NTRK3: variants seen among roughly 807,000 people sequenced by gnomAD.
The protein encoded by NTRK3 is neurotrophic receptor tyrosine kinase 3.
A neutral mutation model predicts 91.7 loss-of-function variants in NTRK3; 24 were observed. That is an observed-to-expected ratio of 0.26 (90% CI 0.19 to 0.37). NTRK3 has a LOEUF of 0.37. Ranked by LOEUF, NTRK3 falls within the 10% of genes least tolerant of loss-of-function variation. The pLI, the probability that NTRK3 is intolerant of heterozygous loss-of-function variation, is 1.00. For missense variants in NTRK3, 880 were observed against 1,068.9 expected, an observed-to-expected ratio of 0.82 and a Z score of 2.46; for synonymous variants, 483 against 404.0, an observed-to-expected ratio of 1.20 and a Z score of -2.34.
intron 13 of NTRK3, among the ~76,000 whole-genome samples, chr15:88,125,809 T>A (rs2053226244): frequency 1.3e-5 from 2 of 151,264 alleles, no homozygotes; most frequent in South Asian, 4.2e-4. Flanking sequence ...CGTGCTGAGA[T>A]CCCATTGCAT....
chr15:88,011,248 C>T (rs1482361614), intron 14 of NTRK3, among the ~76,000 whole-genome samples: 2 of 152,146 alleles, frequency 1.3e-5, no homozygotes, highest in East Asian at 1.9e-4. Flanking sequence ...GTCAGCCTCT[C>T]GCTTCTTGCT....
chr15:88,157,641 C>T (rs1357783922), intron 5 of NTRK3, among the ~76,000 whole-genome samples: 3 of 152,088 alleles, frequency 2.0e-5, no homozygotes, highest in African/African-American at 7.2e-5. Context: ...CCTCGCAGAA[C>T]ATGGGGGAAC....
intron 13 of NTRK3, among the ~76,000 whole-genome samples, chr15:88,040,736 G>T (rs2079527088): frequency 1.3e-5 from 2 of 152,176 alleles, no homozygotes; most frequent in Non-Finnish European, 1.5e-5. Context: ...TTCCAAAGGA[G>T]TGACAGAACC....
intron 13 of NTRK3, among the ~76,000 whole-genome samples, chr15:88,078,139 C>T (rs1567349404): frequency 6.6e-6 from 1 of 150,430 alleles, no homozygotes; most frequent in African/African-American, 2.5e-5. Flanking sequence ...TGTCCTTGAA[C>T]AGATGGGTCT....
At chr15:87,999,326 A>G (rs570683650) in intron 14 of NTRK3, among the ~76,000 whole-genome samples, 1 of 152,288 alleles carries the variant, frequency 6.6e-6, no homozygotes, top group South Asian at 2.1e-4. Flanking sequence ...GGCCACTAGG[A>G]TGCCCAGAGC....
intron 17 of NTRK3, among the ~76,000 whole-genome samples, chr15:87,915,049 T>C (rs2141780895): frequency 6.6e-6 from 1 of 152,162 alleles, no homozygotes; most frequent in Admixed American, 6.5e-5. Context: ...GTGATGGTGA[T>C]GATGGTGATG....
chr15:87,954,570 T>G (rs2071478258), intron 14 of NTRK3, among the ~76,000 whole-genome samples: 1 of 152,206 alleles, frequency 6.6e-6, no homozygotes, highest in South Asian at 2.1e-4. Context: ...AATTAAATAT[T>G]TGGATGGAAG....
intron 13 of NTRK3, among the ~76,000 whole-genome samples, chr15:88,038,001 G>A (rs1266302811): frequency 1.3e-5 from 2 of 152,166 alleles, no homozygotes; most frequent in Admixed American, 1.3e-4. Context: ...CCCTCCACCA[G>A]CACTGCCTCC....
chr15:87,922,563 A>C (rs2067964817), intron 17 of NTRK3, among the ~76,000 whole-genome samples: 1 of 152,234 alleles, frequency 6.6e-6, no homozygotes, highest in African/African-American at 2.4e-5. Flanking sequence ...ACCTTCAAAA[A>C]ACAAAAAATG....
At chr15:88,249,577 A>G (rs542039759) in intron 3 of NTRK3, among the ~76,000 whole-genome samples, 80 of 152,272 alleles carry the variant, frequency 5.3e-4, no homozygotes, top group Non-Finnish European at 9.6e-4. Flanking sequence ...GAGGGAGAAG[A>G]TGACTGCAGT....
exon 10 of NTRK3, chr15:88,135,383 C>A (rs374464253): frequency 1.2e-5 from 20 of 1,613,774 alleles, no homozygotes; most frequent in African/African-American, 2.7e-5. Context: ...TCCAGGCTCA[C>A]CACACGTGGG....
intron 13 of NTRK3, among the ~76,000 whole-genome samples, chr15:88,086,406 G>C (rs549581237): frequency 4.6e-5 from 7 of 151,960 alleles, no homozygotes; most frequent in Admixed American, 1.3e-4. Flanking sequence ...GCAAAAAAAA[G>C]ATTTAAAACA....
At chr15:87,905,558 A>T (rs1173640114) in intron 17 of NTRK3, among the ~76,000 whole-genome samples, 1 of 152,208 alleles carries the variant, frequency 6.6e-6, no homozygotes, top group African/African-American at 2.4e-5. Context: ...TGGTCCAGAG[A>T]CATCCTGTTT....
intron 5 of NTRK3, among the ~76,000 whole-genome samples, chr15:88,151,428 T>C (rs2151351115): frequency 6.6e-6 from 1 of 152,202 alleles, no homozygotes; most frequent in East Asian, 1.9e-4. Flanking sequence ...ATTAACCCCA[T>C]AATGAACAGG....
At chr15:88,023,142 C>T (rs2077727098) in intron 14 of NTRK3, among the ~76,000 whole-genome samples, 1 of 152,032 alleles carries the variant, frequency 6.6e-6, no homozygotes, top group Non-Finnish European at 1.5e-5. Context: ...ACATCAGCAC[C>T]CAGCAGAGAT....
chr15:88,156,063 G>C (rs2043868735), intron 5 of NTRK3, among the ~76,000 whole-genome samples: 1 of 152,148 alleles, frequency 6.6e-6, no homozygotes, highest in Non-Finnish European at 1.5e-5. Flanking sequence ...TCAACAGGTA[G>C]AAAACTGTCA....
intron 14 of NTRK3, among the ~76,000 whole-genome samples, chr15:87,947,022 G>T (rs939532077): frequency 6.6e-6 from 1 of 151,814 alleles, no homozygotes; most frequent in Non-Finnish European, 1.5e-5. Flanking sequence ...GGGATTTCAG[G>T]TGCGTGCCAC....
chr15:88,201,761 C>T (rs905785846), intron 3 of NTRK3, among the ~76,000 whole-genome samples: 1 of 152,100 alleles, frequency 6.6e-6, no homozygotes, highest in African/African-American at 2.4e-5. Flanking sequence ...AGGGCCAGGC[C>T]ACCATGATGT....
rs558159377 is a variant in NTRK3, at chr15:88,005,813, G to A, written c.1585+27044C>T. Among the ~76,000 whole-genome samples, 3 of 152,180 alleles carry A rather than the reference G, an allele frequency of 2.0e-5. No homozygotes were observed. In the South Asian group the frequency reaches 6.2e-4, roughly 32 times the overall value. On this transcript the variant is annotated intron_variant, in intron 14 of 18. Transcript: ENST00000394480. Reference sequence around the variant, plus strand: ...TAACATTCCATTCCCCTTCAACAAAGTTTTTACCCTTGAACATTATTAGCA... The same window carrying A: ...TAACATTCCATTCCCCTTCAACAAAATTTTTACCCTTGAACATTATTAGCA...
Sources: gnomAD v4.1 joint callset for allele counts (sites outside exome capture counted in the v4.1 genomes callset) on GRCh38, gnomAD v4.1.1 for gene constraint, MANE v1.5 for transcripts, NCBI Gene and HGNC (gene_info 2026-07-23, HGNC 2026-07-21) for gene names.